Variants in WSB2 observed in about 807,000 individuals in gnomAD.
The protein encoded by WSB2 is WD repeat and SOCS box containing 2.
Under a neutral mutation model 48.8 loss-of-function variants are expected in WSB2, and 12 were observed. The ratio of observed to expected loss-of-function variants is 0.25; its 90% CI spans 0.16 to 0.40. The LOEUF (loss-of-function observed/expected upper bound fraction) is 0.40, where lower values mean the gene tolerates loss of function less well. Among genes scored for constraint, WSB2 ranks in the 10% least tolerant of loss-of-function variants. WSB2 has a pLI of 1.00. For missense variants in WSB2, 317 were observed against 506.2 expected, an observed-to-expected ratio of 0.63 and a Z score of 3.59; for synonymous variants, 191 against 203.1, an observed-to-expected ratio of 0.94 and a Z score of 0.51.
intron 2 of WSB2, among the ~76,000 whole-genome samples, chr12:118,050,483 A>T (rs1381514233): frequency 6.6e-6 from 1 of 151,684 alleles, no homozygotes; most frequent in Admixed American, 6.6e-5. Flanking sequence ...TCTACAAAAA[A>T]TTTAAAAGTT....
chr12:118,055,065 T>G (rs1162099602), intron 1 of WSB2, among the ~76,000 whole-genome samples: 1 of 151,632 alleles, frequency 6.6e-6, no homozygotes, highest in Non-Finnish European at 1.5e-5. Context: ...ATATATATGG[T>G]CTGAGTAAAT....
intron 1 of WSB2, among the ~76,000 whole-genome samples, chr12:118,054,215 T>TA (rs768408616): frequency 0.2 from 4,587 of 22,776 alleles, 140 homozygotes; most frequent in East Asian, 0.33. Context: ...CTACTAAAAA[T>TA]CCAAAAAAAA....
At chr12:118,040,153 A>T (rs117266864) in intron 4 of WSB2, among the ~76,000 whole-genome samples, 1 of 152,084 alleles carries the variant, frequency 6.6e-6, no homozygotes, top group Non-Finnish European at 1.5e-5. Flanking sequence ...AGCCCATGCA[A>T]CACAGTGAGA....
chr12:118,044,296 A>G (rs1469580695), intron 2 of WSB2, among the ~76,000 whole-genome samples: 2 of 152,004 alleles, frequency 1.3e-5, no homozygotes, highest in African/African-American at 2.4e-5. Flanking sequence ...GGAAAAAGAC[A>G]CTCAGTTTTT....
intron 4 of WSB2, 57 bp downstream of exon 4, chr12:118,042,784 G>A: frequency 6.3e-7 from 1 of 1,580,286 alleles, no homozygotes; most frequent in Non-Finnish European, 8.6e-7. Flanking sequence ...CTGGTAAAGT[G>A]GAGAAAGCAA....
chr12:118,045,223 G>C (rs187608611), intron 2 of WSB2, among the ~76,000 whole-genome samples: 2,043 of 151,972 alleles, frequency 0.013, 21 homozygotes, highest in Non-Finnish European at 0.021. Flanking sequence ...AATTAGCCGG[G>C]CGTGGTGGCG....
Position 118,033,214 on chromosome 12 carries a change from G to A in WSB2, c.*982C>T, listed in dbSNP as rs1019416867. 1.3e-5 allele frequency: 2 copies of A among 152,188 alleles called. No homozygotes were observed. The highest frequency in any genetic ancestry group is 1.9e-4 in the East Asian group (1 of 5,178). The allele number at this position is 152,188 out of a possible 1,614,324, so 9.4% of individuals were successfully genotyped here. On this transcript the variant is annotated 3_prime_UTR_variant, in exon 9 of 9. Coordinates refer to ENST00000315436, the MANE Select transcript of WSB2 (RefSeq NM_018639.5). ...ACTTTTAAGGAGCTATTTTTGTTTC[G>A]CAGTAGAGTTGAAACCAGCTGATTA...
intron 1 of WSB2, among the ~76,000 whole-genome samples, chr12:118,053,788 T>C (rs2031899159): frequency 6.6e-6 from 1 of 152,172 alleles, no homozygotes. Context: ...CTGAATAAGG[T>C]CACTTCCTGA....
At chr12:118,041,475 C>T (rs2031634511) in intron 4 of WSB2, among the ~76,000 whole-genome samples, 1 of 152,134 alleles carries the variant, frequency 6.6e-6, no homozygotes, top group Non-Finnish European at 1.5e-5. Context: ...GACTAAGATA[C>T]AAGTTTTCAG....
At chr12:118,052,564 CA>C in intron 1 of WSB2, 86 bp from the exon 2 acceptor site, 1 of 1,575,668 alleles carries the variant, frequency 6.3e-7, no homozygotes, top group Non-Finnish European at 8.6e-7. Context: ...CTCCCTGTGG[CA>C]AAGAGCCACA....
intron 2 of WSB2, among the ~76,000 whole-genome samples, chr12:118,048,131 G>A (rs1474041949): frequency 6.6e-6 from 1 of 151,930 alleles, no homozygotes; most frequent in Non-Finnish European, 1.5e-5. Context: ...GTCTTGTTAC[G>A]TTGCCCATGC....
intron 2 of WSB2, among the ~76,000 whole-genome samples, chr12:118,049,631 G>A (rs939502831): frequency 6.6e-5 from 10 of 152,094 alleles, no homozygotes; most frequent in African/African-American, 2.2e-4. Flanking sequence ...TCAAACTCCT[G>A]ACCTCAAGTG....
chr12:118,034,322 A>T lies in WSB2; in HGVS notation c.1089T>A (p.Pro363=). 6.2e-7 allele frequency: 1 copy of T among 1,614,248 alleles called. No individual in the cohort carries two copies. Among genetic ancestry groups the T allele is most frequent in the African/African-American group, 1.3e-5 (1 of 75,076 alleles). The change falls in exon 9 of 9, where the codon CCT becomes CCA. Residue 363 remains proline, a synonymous_variant. Transcript: ENST00000315436. ...AGTGCTTCAGTGAGGACAGGACCCT[A>T]GGAGCTGTCCAGAACTGGACGTGGC... ...RDGHVQFWTA[P]RVLSSLKHLC...
intron 6 of WSB2, 50 bp from the exon 7 acceptor site, chr12:118,035,374 C>T (rs753449809): frequency 6.5e-7 from 1 of 1,531,372 alleles, no homozygotes. Flanking sequence ...GGCTGCTCTC[C>T]ACCCTCCATC....
At chr12:118,038,640 A>G (rs147728932) in intron 4 of WSB2, among the ~76,000 whole-genome samples, 75 of 152,312 alleles carry the variant, frequency 4.9e-4, no homozygotes, top group South Asian at 2.5e-3. Flanking sequence ...CACAATCTAT[A>G]AGATCAGTAA....
intron 1 of WSB2, among the ~76,000 whole-genome samples, chr12:118,057,935 T>A (rs1043418606): frequency 2.6e-5 from 4 of 151,294 alleles, no homozygotes; most frequent in African/African-American, 4.9e-5. Context: ...TTTTTTTTTT[T>A]AAATTAAATT....
Position 118,052,436 on chromosome 12 carries a change from T to TG in WSB2, c.55dup (p.His19ProfsTer4), listed in dbSNP as rs2031871445. 6.2e-7 allele frequency: 1 copy of TG among 1,613,914 alleles called. No homozygotes were observed. The highest frequency in any genetic ancestry group is 1.7e-5 in the Admixed American group (1 of 59,984). ...ACAGCTGGACTTCCAATCAAACTGG[T>TG]GGGGGCGCCCGGGCTTGAGTTCGGC... On this transcript the variant is annotated frameshift_variant, in exon 2 of 9. Transcript: ENST00000315436. LOFTEE classifies it high-confidence loss of function.
intron 5 of WSB2, among the ~76,000 whole-genome samples, chr12:118,037,016 T>C (rs1279869811): frequency 6.6e-6 from 1 of 152,070 alleles, no homozygotes; most frequent in African/African-American, 2.4e-5. Flanking sequence ...ACCCCATCTC[T>C]ACTGAAAATA....
rs1302358570 is a variant in WSB2 at position 118,060,989 on chromosome 12, G to A, written c.13+47C>T. 8.5e-6 allele frequency: 8 copies of A among 937,728 alleles called. 1 individual carries two copies. The highest frequency in any genetic ancestry group is 1.8e-5 in the African/African-American group (1 of 55,916). The allele number at this position is 937,728 out of a possible 1,614,324, so 58.1% of individuals were successfully genotyped here. The stretch of plus-strand genomic sequence containing the variant: ...GCCTCCCCCCTCCCCGGGGAGAACG[G>A]GCCAGGGCCCCGCCGGGCGGGAACG... On this transcript the variant is annotated intron_variant, in intron 1 of 8. Coordinates refer to ENST00000315436, the MANE Select transcript of WSB2 (RefSeq NM_018639.5). This position sits in a 1 kb window ranked among gnomAD's most constrained non-coding sequence, Gnocchi z 4.1.
Sources: gnomAD v4.1 joint callset for allele counts (sites outside exome capture counted in the v4.1 genomes callset) on GRCh38, gnomAD v4.1.1 for gene constraint, Gnocchi (gnomAD v3.1) non-coding constraint, MANE v1.5 for transcripts, NCBI Gene and HGNC (gene_info 2026-07-23, HGNC 2026-07-21) for gene names.